Variants in PRRC1 observed in about 807,000 individuals in gnomAD.
The protein encoded by PRRC1 is proline rich coiled-coil 1, also known as protein PRRC1.
A neutral mutation model predicts 40.7 loss-of-function variants in PRRC1; 39 were observed. The observed-to-expected ratio is 0.96, with a 90% confidence interval of 0.74 to 1.25. The LOEUF (loss-of-function observed/expected upper bound fraction) is 1.25. Ranked by LOEUF, PRRC1 falls within the 50% of genes most tolerant of loss-of-function variation. The pLI, the probability that PRRC1 is intolerant of heterozygous loss-of-function variation, is 0.00. For synonymous variants in PRRC1, 175 were observed against 193.3 expected, an observed-to-expected ratio of 0.91 and a Z score of 0.79; for missense variants, 573 against 548.3, an observed-to-expected ratio of 1.05 and a Z score of -0.45.
Position 127,552,691 on chromosome 5 carries a change from A to G in PRRC1, c.*775A>G, listed in dbSNP as rs950068924. 2 of 982,390 alleles carry G rather than the reference A, an allele frequency of 2.0e-6. No individual in the cohort carries two copies. Among genetic ancestry groups the G allele is most frequent in the Non-Finnish European group, 2.4e-6 (2 of 826,778 alleles). 60.9% of individuals were successfully genotyped at this position (982,390 alleles called of 1,614,324 possible). ...GAAGTATTCAAATTATTTTTGTATAATACTGTTCAGTACTTCCAAGAATAA... is the reference window on the plus strand; with the variant it reads ...GAAGTATTCAAATTATTTTTGTATAGTACTGTTCAGTACTTCCAAGAATAA... On this transcript the variant is annotated 3_prime_UTR_variant, in exon 9 of 9. Coordinates refer to ENST00000296666, the MANE Select transcript of PRRC1 (RefSeq NM_130809.5).
chr5:127,532,141 A>T (rs1580936923), intron 5 of PRRC1, among the ~76,000 whole-genome samples: 1 of 147,684 alleles, frequency 6.8e-6, no homozygotes, highest in Non-Finnish European at 1.5e-5. Flanking sequence ...GTGGAGTCTC[A>T]CTCTACCGCC....
At chr5:127,544,606 C>G (rs771745006) in intron 7 of PRRC1, among the ~76,000 whole-genome samples, 3 of 152,248 alleles carry the variant, frequency 2.0e-5, no homozygotes, top group Non-Finnish European at 4.4e-5. Context: ...CCCGCAGCCT[C>G]GCTGCCGCCT....
At chr5:127,533,861 C>A in intron 6 of PRRC1, 75 bp downstream of exon 6, 2 of 1,471,626 alleles carry the variant, frequency 1.4e-6, no homozygotes, top group Non-Finnish European at 1.9e-6. Context: ...AATCTGTTGT[C>A]TCTATGGAGC....
intron 5 of PRRC1, 53 bp from the exon 6 acceptor site, chr5:127,533,570 T>G: frequency 1.0e-5 from 15 of 1,479,852 alleles, no homozygotes; most frequent in Non-Finnish European, 1.2e-5. Context: ...GTAGTAATTA[T>G]GAGAATTTCA....
In PRRC1 at chr5:127,552,969, C is replaced by A. The variant is rs495916; in HGVS notation, c.*1053C>A. The A allele has an allele frequency of 0.25, 204,524 of 802,098 alleles. 26,931 individuals are homozygous for A. Among genetic ancestry groups the A allele is most frequent in the East Asian group, 0.52 (3,955 of 7,538 alleles). The allele number at this position is 802,098 out of a possible 1,614,324, so 49.7% of individuals were successfully genotyped here. ...TATTTAGTCTACTGTATTTCTATTTCGTGGAAGCCTTTTCCCCTCAAATAA... is the reference window on the plus strand; with the variant it reads ...TATTTAGTCTACTGTATTTCTATTTAGTGGAAGCCTTTTCCCCTCAAATAA... On this transcript the variant is annotated 3_prime_UTR_variant, in exon 9 of 9. Coordinates refer to ENST00000296666, the MANE Select transcript of PRRC1 (RefSeq NM_130809.5).
chr5:127,545,132 A>G (rs2053951034), intron 7 of PRRC1, among the ~76,000 whole-genome samples: 1 of 151,966 alleles, frequency 6.6e-6, no homozygotes, highest in African/African-American at 2.4e-5. Flanking sequence ...AAAAGTCAGG[A>G]AACAACAGGT....
intron 2 of PRRC1, chr5:127,523,803 T>C (rs372759289): frequency 2.5e-6 from 1 of 394,508 alleles, no homozygotes; most frequent in Non-Finnish European, 4.5e-6. Flanking sequence ...TTTTGTTCTT[T>C]ATGTTCATAA....
At chr5:127,521,862 T>C (rs1270655307) in intron 1 of PRRC1, among the ~76,000 whole-genome samples, 1 of 152,190 alleles carries the variant, frequency 6.6e-6, no homozygotes, top group Non-Finnish European at 1.5e-5. Flanking sequence ...AATTAAGTTC[T>C]TATCCTTCAA....
chr5:127,528,213 T>C (rs565520247), intron 4 of PRRC1, among the ~76,000 whole-genome samples: 12 of 152,322 alleles, frequency 7.9e-5, no homozygotes, highest in Non-Finnish European at 1.5e-4. Flanking sequence ...GTTTTCTCAA[T>C]TTTTAGTTTA....
In PRRC1 at chr5:127,530,426, C is replaced by G. The variant is rs183934627; in HGVS notation, c.757+30C>G. ...GTACATAAGTTAGACCGGTATCTGC[C>G]ATTTTTTTTTTAAGGGTATGTCCAC... On this transcript the variant is annotated intron_variant, in intron 5 of 8. Coordinates refer to ENST00000296666, the MANE Select transcript of PRRC1 (RefSeq NM_130809.5). 125 of 1,522,676 alleles carry G rather than the reference C, an allele frequency of 8.2e-5. No individual in the cohort carries two copies. In the Middle Eastern group the frequency reaches 3.8e-3, roughly 46 times the overall value. 94.3% of individuals were successfully genotyped at this position (1,522,676 alleles called of 1,614,324 possible).
chr5:127,524,034 C>T (rs1767535666), intron 2 of PRRC1: 1 of 159,142 alleles, frequency 6.3e-6, no homozygotes, highest in African/African-American at 2.4e-5. Context: ...CCACCATGCT[C>T]AGCTAATTTT....
Position 127,552,621 on chromosome 5 carries a change from T to C in PRRC1, c.*705T>C. Reference sequence around the variant, plus strand: ...GTAATACATTTTATTTTTTCATTGCTATATGACAGCTAAGGGGCAAATGAT... The same window carrying C: ...GTAATACATTTTATTTTTTCATTGCCATATGACAGCTAAGGGGCAAATGAT... On this transcript the variant is annotated 3_prime_UTR_variant, in exon 9 of 9. Transcript: ENST00000296666. 1.0e-6 allele frequency: 1 copy of C among 979,098 alleles called. No individual in the cohort carries two copies. The highest frequency in any genetic ancestry group is 1.2e-6 in the Non-Finnish European group (1 of 823,732). The allele number at this position is 979,098 out of a possible 1,614,324, so 60.7% of individuals were successfully genotyped here. A position where few individuals can be genotyped will look rare whatever the true frequency, so the allele number is the denominator to read the frequency against.
intron 6 of PRRC1, among the ~76,000 whole-genome samples, chr5:127,537,926 A>G (rs1380368572): frequency 6.6e-6 from 1 of 152,002 alleles, no homozygotes; most frequent in Non-Finnish European, 1.5e-5. Context: ...TGCCATATTT[A>G]CACTATTTGT....
Position 127,524,770 on chromosome 5 carries a change from T to C in PRRC1, c.343T>C (p.Ser115Pro), listed in dbSNP as rs1334611221. The change falls in exon 3 of 9, where the codon TCT (serine) becomes CCT (proline). Residue 115 changes from serine (S) to proline (P), a missense_variant. Transcript: ENST00000296666. ...PPVSHFPPST[S>P]APNTLLPAPP... ...TGTATCTCACTTCCCACCTTCAACTTCTGCCCCAAACACTCTTTTACCTGC... is the reference window on the plus strand; with the variant it reads ...TGTATCTCACTTCCCACCTTCAACTCCTGCCCCAAACACTCTTTTACCTGC... 2 of 1,614,068 alleles carry C rather than the reference T, an allele frequency of 1.2e-6. No homozygotes were observed. Among genetic ancestry groups the C allele is most frequent in the Non-Finnish European group, 1.7e-6 (2 of 1,180,040 alleles).
chr5:127,534,360 T>C (rs1314461052), intron 6 of PRRC1, among the ~76,000 whole-genome samples: 1 of 152,204 alleles, frequency 6.6e-6, no homozygotes, highest in East Asian at 1.9e-4. Context: ...TTGCTTCCTT[T>C]TGCAGCTAAA....
At position 127,544,255 on chromosome 5, in the gene PRRC1, C is replaced by T. The variant is rs559213194; in HGVS notation, c.1026-3564C>T. Among the ~76,000 whole-genome samples, 8 of 152,278 alleles carry T rather than the reference C, an allele frequency of 5.3e-5. 1 individual carries two copies. In the South Asian group the frequency reaches 6.2e-4, roughly 12 times the overall value. Reference sequence around the variant, plus strand: ...GGAAGTTTTGTCTCAGAGGAGTACCCGGCCAGCCGTGTGAGGTGTCAGTCT... The same window carrying T: ...GGAAGTTTTGTCTCAGAGGAGTACCTGGCCAGCCGTGTGAGGTGTCAGTCT... On this transcript the variant is annotated intron_variant, in intron 7 of 8. Transcript: ENST00000296666.
Position 127,552,493 on chromosome 5 carries a change from T to G in PRRC1, c.*577T>G, listed in dbSNP as rs190031798. ...GCCAAAATAATGGAATTGATTATTT[T>G]CCTTTTTGGCCATCACGTACACATG... On this transcript the variant is annotated 3_prime_UTR_variant, in exon 9 of 9. Transcript: ENST00000296666. 1.2e-5 allele frequency: 12 copies of G among 986,816 alleles called. No individual in the cohort carries two copies. Among genetic ancestry groups the G allele is most frequent in the Middle Eastern group, 5.2e-4 (1 of 1,914 alleles). The allele number at this position is 986,816 out of a possible 1,614,324, so 61.1% of individuals were successfully genotyped here. A position where few individuals can be genotyped will look rare whatever the true frequency, so the allele number is the denominator to read the frequency against.
chr5:127,524,427 T>C, intron 2 of PRRC1, 104 bp from the exon 3 acceptor site: 1 of 1,076,738 alleles, frequency 9.3e-7, no homozygotes, highest in South Asian at 1.7e-5. Context: ...GGGATATGCT[T>C]TGGTAAGTTA....
chr5:127,552,207 C>A lies in PRRC1; in HGVS notation c.*291C>A. The stretch of plus-strand genomic sequence containing the variant: ...ATACCAGATTTATAAGGTGGAAATT[C>A]ATGTGCAGAGACATTTAACTTAATG... On this transcript the variant is annotated 3_prime_UTR_variant, in exon 9 of 9. Coordinates refer to ENST00000296666, the MANE Select transcript of PRRC1 (RefSeq NM_130809.5). 8.8e-7 allele frequency: 1 copy of A among 1,141,200 alleles called. No individual in the cohort carries two copies. The highest frequency in any genetic ancestry group is 1.1e-6 in the Non-Finnish European group (1 of 926,138). The allele number at this position is 1,141,200 out of a possible 1,614,324, so 70.7% of individuals were successfully genotyped here. A position where few individuals can be genotyped will look rare whatever the true frequency, so the allele number is the denominator to read the frequency against.
Sources: allele counts gnomAD v4.1 joint callset (sites outside exome capture counted in the v4.1 genomes callset), GRCh38; gene constraint gnomAD v4.1.1; transcripts MANE v1.5; gene names NCBI Gene and HGNC (gene_info 2026-07-23, HGNC 2026-07-21).